The following GRIK2 variants were observed in gnomAD, a reference collection of about 807,000 sequenced individuals.
GRIK2 encodes the protein glutamate ionotropic receptor kainate type subunit 2, also known as glutamate receptor ionotropic, kainate 2.
A neutral mutation model predicts 100.3 loss-of-function variants in GRIK2; 32 were observed. That is an observed-to-expected ratio of 0.32 (90% CI 0.24 to 0.43). The LOEUF (loss-of-function observed/expected upper bound fraction) is 0.43, where lower values mean the gene tolerates loss of function less well. Among genes scored for constraint, GRIK2 ranks in the 20% least tolerant of loss-of-function variants. The probability of loss-of-function intolerance (pLI) is 1.00; values close to 1 mark genes in which losing one functional copy is unlikely to be tolerated. For missense variants in GRIK2, 843 were observed against 1,114.9 expected, an observed-to-expected ratio of 0.76 and a Z score of 3.47; for synonymous variants, 417 against 389.4, an observed-to-expected ratio of 1.07 and a Z score of -0.83.
chr6:101,489,958 G>GA (rs900385887), intron 2 of GRIK2, among the ~76,000 whole-genome samples: 1 of 146,470 alleles, frequency 6.8e-6, no homozygotes, highest in African/African-American at 2.6e-5. Flanking sequence ...ATCAGAGAAA[G>GA]AAAAAATGTT....
chr6:102,037,303 T>A (rs988278526), intron 15 of GRIK2, among the ~76,000 whole-genome samples: 1 of 151,330 alleles, frequency 6.6e-6, no homozygotes, highest in Admixed American at 6.6e-5. Context: ...ATTGTCCAAT[T>A]TTATTTCCAG....
At chr6:102,006,460 C>T (rs1795246207) in intron 14 of GRIK2, among the ~76,000 whole-genome samples, 1 of 147,362 alleles carries the variant, frequency 6.8e-6, no homozygotes, top group Admixed American at 6.8e-5. Flanking sequence ...CCTGGATCTC[C>T]CAGGCATAAG....
intron 14 of GRIK2, among the ~76,000 whole-genome samples, chr6:102,014,545 T>C (rs1436126727): frequency 6.6e-6 from 1 of 151,516 alleles, no homozygotes; most frequent in Non-Finnish European, 1.5e-5. Context: ...GGTTGTTAAA[T>C]TGAGTTCTTT....
intron 16 of GRIK2, among the ~76,000 whole-genome samples, chr6:102,057,278 T>C (rs1277284245): frequency 6.6e-6 from 1 of 152,040 alleles, no homozygotes; most frequent in Non-Finnish European, 1.5e-5. Flanking sequence ...AGTCTCTTGA[T>C]GATATGTGGT....
chr6:101,396,553 T>C (rs186532193), intron 1 of GRIK2, among the ~76,000 whole-genome samples: 1 of 152,306 alleles, frequency 6.6e-6, no homozygotes, highest in Admixed American at 6.5e-5. Flanking sequence ...CTTGGGCTTA[T>C]CAAGCAATTG....
chr6:101,658,787 C>T (rs1306510093), intron 4 of GRIK2, among the ~76,000 whole-genome samples: 1 of 152,120 alleles, frequency 6.6e-6, no homozygotes, highest in Non-Finnish European at 1.5e-5. Flanking sequence ...TGATGATGAG[C>T]TTTTTTTCAT....
chr6:101,921,677 A>G (rs1789529081), intron 12 of GRIK2, among the ~76,000 whole-genome samples: 1 of 152,086 alleles, frequency 6.6e-6, no homozygotes, highest in African/African-American at 2.4e-5. Context: ...ATGCAAGGCC[A>G]GTGAGTAAGA....
chr6:101,963,183 T>A (rs983693311), intron 14 of GRIK2, among the ~76,000 whole-genome samples: 18 of 151,036 alleles, frequency 1.2e-4, no homozygotes, highest in Admixed American at 5.9e-4. Context: ...ATTTAATGAT[T>A]TTTCTTTGTA....
At position 101,744,538 on chromosome 6, in the gene GRIK2, A is replaced by ATCTATATC. The variant is rs1562351632; in HGVS notation, c.952-55109_952-55108insCTATATCT. 1.7e-5 allele frequency: 2 copies of ATCTATATC among 118,394 alleles called. 1 individual carries two copies. The highest frequency in any genetic ancestry group is 6.7e-5 in the African/African-American group (2 of 29,636). 7.3% of individuals were successfully genotyped at this position (118,394 alleles called of 1,614,324 possible). On this transcript the variant is annotated intron_variant, in intron 7 of 16. Coordinates refer to ENST00000369134, the MANE Select transcript of GRIK2 (RefSeq NM_021956.5). ...TGCGTGCGCGCATATATATATATATATATATATATATATATATATATCACA... is the reference window on the plus strand; with the variant it reads ...TGCGTGCGCGCATATATATATATATATCTATATCTATATATATATATATATATATCACA...
intron 2 of GRIK2, among the ~76,000 whole-genome samples, chr6:101,408,375 T>TGAGAGA (rs3058218): frequency 1.3e-5 from 2 of 148,220 alleles, no homozygotes; most frequent in Non-Finnish European, 1.5e-5. Context: ...AGGGAGGAAG[T>TGAGAGA]GAGAGAGAGA....
intron 2 of GRIK2, among the ~76,000 whole-genome samples, chr6:101,415,454 T>G (rs1057447386): frequency 6.8e-6 from 1 of 147,590 alleles, no homozygotes; most frequent in Non-Finnish European, 1.5e-5. Context: ...CACTGCAAGC[T>G]CTGCCCCCTG....
chr6:101,470,078 G>A (rs1045606320), intron 2 of GRIK2, among the ~76,000 whole-genome samples: 1 of 152,160 alleles, frequency 6.6e-6, no homozygotes, highest in Non-Finnish European at 1.5e-5. Context: ...CTATTGGACA[G>A]TCCCTTGACA....
chr6:101,656,610 G>T (rs189493018), intron 4 of GRIK2, among the ~76,000 whole-genome samples: 1 of 152,150 alleles, frequency 6.6e-6, no homozygotes, highest in South Asian at 2.1e-4. Context: ...AATTTAAATC[G>T]CCCTTTGATA....
intron 16 of GRIK2, among the ~76,000 whole-genome samples, chr6:102,059,086 G>T (rs1426193923): frequency 6.6e-6 from 1 of 151,130 alleles, no homozygotes; most frequent in African/African-American, 2.4e-5. Context: ...TTTCTCATAA[G>T]TTGTTGGATA....
intron 2 of GRIK2, among the ~76,000 whole-genome samples, chr6:101,500,640 C>A (rs545900930): frequency 1.3e-5 from 2 of 151,904 alleles, no homozygotes; most frequent in African/African-American, 4.8e-5. Context: ...TTGGTAGTAC[C>A]CTTGTCTTCT....
intron 2 of GRIK2, among the ~76,000 whole-genome samples, chr6:101,519,665 T>A (rs1774775009): frequency 6.6e-6 from 1 of 152,098 alleles, no homozygotes. Context: ...AAATTTACAT[T>A]ATTTGATTGA....
intron 7 of GRIK2, among the ~76,000 whole-genome samples, chr6:101,790,364 A>G (rs1741167006): frequency 6.6e-6 from 1 of 152,158 alleles, no homozygotes; most frequent in African/African-American, 2.4e-5. Context: ...AGCTCTTAAT[A>G]TTTTGAGATA....
At chr6:101,720,588 T>C (rs1051355397) in intron 7 of GRIK2, among the ~76,000 whole-genome samples, 6 of 152,062 alleles carry the variant, frequency 3.9e-5, no homozygotes, top group Non-Finnish European at 8.8e-5. Context: ...TTTACTAACA[T>C]CATTTTCTGT....
intron 10 of GRIK2, among the ~76,000 whole-genome samples, chr6:101,845,032 G>A (rs1466676214): frequency 6.6e-5 from 10 of 151,408 alleles, no homozygotes; most frequent in South Asian, 2.1e-4. Context: ...TGTTGTTGTC[G>A]TTTTGAGACA....
Sources: gnomAD v4.1 joint callset for allele counts (sites outside exome capture counted in the v4.1 genomes callset) on GRCh38, gnomAD v4.1.1 for gene constraint, MANE v1.5 for transcripts, NCBI Gene and HGNC (gene_info 2026-07-23, HGNC 2026-07-21) for gene names.